AUTS2: variants seen among roughly 807,000 people sequenced by gnomAD.
AUTS2 encodes the protein autism susceptibility gene 2 protein.
Under a neutral mutation model 112.4 loss-of-function variants are expected in AUTS2, and 17 were observed. That is an observed-to-expected ratio of 0.15 (90% CI 0.10 to 0.23). The LOEUF (loss-of-function observed/expected upper bound fraction) is 0.23. Among genes scored for constraint, AUTS2 ranks in the 10% least tolerant of loss-of-function variants. The pLI is 1.00. For synonymous variants in AUTS2, 751 were observed against 702.7 expected (o/e 1.07, Z -1.09); for missense variants, 1,510 against 1,701.6 (o/e 0.89, Z 1.98).
chr7:70,396,704 A>G (rs1206381251), intron 4 of AUTS2, among the ~76,000 whole-genome samples: 1 of 152,196 alleles, frequency 6.6e-6, no homozygotes. Flanking sequence ...ATATGGCTGC[A>G]TGCATTGAGG....
intron 2 of AUTS2, among the ~76,000 whole-genome samples, chr7:70,080,665 T>G (rs1584689406): frequency 1.3e-5 from 2 of 152,218 alleles, no homozygotes; most frequent in Non-Finnish European, 2.9e-5. Flanking sequence ...AACACACTAC[T>G]GTTTACAATC....
chr7:70,108,627 T>G (rs535870516), intron 2 of AUTS2, among the ~76,000 whole-genome samples: 1 of 151,916 alleles, frequency 6.6e-6, no homozygotes, highest in Middle Eastern at 3.4e-3. Flanking sequence ...TGTGTATCTG[T>G]AAAGGACTCT....
rs1000053376 is a variant in AUTS2 at position 69,599,520 on chromosome 7, C to G, written c.-134C>G. 2.5e-6 allele frequency: 2 copies of G among 791,120 alleles called. No homozygotes were observed. The highest frequency in any genetic ancestry group is 3.4e-6 in the Non-Finnish European group (2 of 591,614). 49.0% of individuals were successfully genotyped at this position (791,120 alleles called of 1,614,324 possible). A position where few individuals can be genotyped will look rare whatever the true frequency, so the allele number is the denominator to read the frequency against. The stretch of plus-strand genomic sequence containing the variant: ...CCCCTCTCTCCCTTCTTTCGGCCGC[C>G]GTCTCCCCCGCGCCCTCCTCGGGGC... On this transcript the variant is annotated 5_prime_UTR_variant, in exon 1 of 19. Transcript: ENST00000342771. The surrounding 1 kb of genome is among the most constrained non-coding windows in gnomAD (Gnocchi z 7.0).
intron 1 of AUTS2, among the ~76,000 whole-genome samples, chr7:69,668,322 G>T (rs933054231): frequency 6.6e-6 from 1 of 152,168 alleles, no homozygotes; most frequent in African/African-American, 2.4e-5. Flanking sequence ...TTATAATGTA[G>T]CGTTAGTAAT....
intron 4 of AUTS2, among the ~76,000 whole-genome samples, chr7:70,259,378 C>A (rs1012525606): frequency 6.6e-6 from 1 of 151,058 alleles, no homozygotes; most frequent in East Asian, 1.9e-4. Flanking sequence ...TAAACTTGAT[C>A]ATTGATATGT....
intron 1 of AUTS2, among the ~76,000 whole-genome samples, chr7:69,739,832 G>A (rs967660542): frequency 6.6e-6 from 1 of 152,146 alleles, no homozygotes; most frequent in Non-Finnish European, 1.5e-5. Context: ...GGATGTTGTC[G>A]TCGGTGTATA....
chr7:69,653,404 G>C (rs1328827736), intron 1 of AUTS2, among the ~76,000 whole-genome samples: 2 of 152,164 alleles, frequency 1.3e-5, no homozygotes, highest in Non-Finnish European at 2.9e-5. Context: ...TAGCCCATTG[G>C]ATGAAGATAG....
intron 1 of AUTS2, among the ~76,000 whole-genome samples, chr7:69,778,227 CAT>C (rs1411002679): frequency 1.4e-3 from 190 of 139,028 alleles, no homozygotes; most frequent in African/African-American, 3.5e-3. Flanking sequence ...GCCTTATCCC[CAT>C]ATATATATAT....
rs79045606 is a variant in AUTS2 at position 70,356,107 on chromosome 7, T to G, written c.661-79645T>G. Among the ~76,000 whole-genome samples the G allele has an allele frequency of 6.3e-3, 966 of 152,316 alleles. 17 individuals are homozygous for G. The highest frequency in any genetic ancestry group is 0.022 in the African/African-American group (903 of 41,574). Reference sequence around the variant, plus strand: ...ACCTTTAACAGTTTAATTAATGTGCTCAGAACAAGGAGCAGTTTGAAGAAA... The same window carrying G: ...ACCTTTAACAGTTTAATTAATGTGCGCAGAACAAGGAGCAGTTTGAAGAAA... On this transcript the variant is annotated intron_variant, in intron 4 of 18. Coordinates refer to ENST00000342771, the MANE Select transcript of AUTS2 (RefSeq NM_015570.4).
intron 5 of AUTS2, among the ~76,000 whole-genome samples, chr7:70,466,637 T>C (rs555969575): frequency 9.2e-5 from 14 of 152,302 alleles, no homozygotes; most frequent in Admixed American, 3.9e-4. Flanking sequence ...CATGCACATA[T>C]AAAGAAAAGT....
chr7:70,390,730 A>G (rs930046466), intron 4 of AUTS2, among the ~76,000 whole-genome samples: 1 of 152,122 alleles, frequency 6.6e-6, no homozygotes, highest in African/African-American at 2.4e-5. Flanking sequence ...GGGAAGAGTT[A>G]GGTAGTTCCC....
chr7:69,893,032 T>G (rs533051432), intron 1 of AUTS2, among the ~76,000 whole-genome samples: 2 of 152,330 alleles, frequency 1.3e-5, no homozygotes, highest in Admixed American at 6.5e-5. Flanking sequence ...TCTAACCTAC[T>G]TTACTATAAT....
At chr7:70,016,238 G>T (rs1268129185) in intron 2 of AUTS2, among the ~76,000 whole-genome samples, 1 of 152,130 alleles carries the variant, frequency 6.6e-6, no homozygotes, top group Non-Finnish European at 1.5e-5. Flanking sequence ...GAAAGCAGAA[G>T]GGAGTGTGTC....
intron 5 of AUTS2, among the ~76,000 whole-genome samples, chr7:70,564,787 C>T (rs944373059): frequency 1.3e-5 from 2 of 151,914 alleles, no homozygotes; most frequent in South Asian, 2.1e-4. Context: ...TTTTTTAGTA[C>T]GAGGATAATT....
At chr7:69,735,103 T>C (rs1786969216) in intron 1 of AUTS2, among the ~76,000 whole-genome samples, 1 of 152,218 alleles carries the variant, frequency 6.6e-6, no homozygotes, top group Non-Finnish European at 1.5e-5. Flanking sequence ...GCCTCTTCTA[T>C]GTCAAGTCTC....
intron 5 of AUTS2, among the ~76,000 whole-genome samples, chr7:70,677,498 A>T (rs1442244608): frequency 6.6e-6 from 1 of 151,848 alleles, no homozygotes; most frequent in Non-Finnish European, 1.5e-5. Flanking sequence ...ACTGCCACAC[A>T]CTCGTGCGTT....
At chr7:70,579,331 A>G (rs1468669407) in intron 5 of AUTS2, among the ~76,000 whole-genome samples, 4 of 150,794 alleles carry the variant, frequency 2.7e-5, no homozygotes, top group African/African-American at 9.7e-5. Context: ...CAATGCTGAG[A>G]AGTGTCACTT....
intron 4 of AUTS2, among the ~76,000 whole-genome samples, chr7:70,365,809 C>G (rs536910920): frequency 1.3e-5 from 2 of 152,292 alleles, no homozygotes; most frequent in East Asian, 3.9e-4. Flanking sequence ...TTGATGACAA[C>G]TATCATAGTT....
At chr7:70,053,852 G>A (rs1483045915) in intron 2 of AUTS2, among the ~76,000 whole-genome samples, 1 of 152,002 alleles carries the variant, frequency 6.6e-6, no homozygotes, top group African/African-American at 2.4e-5. Context: ...TCAGTTTTGG[G>A]GTTCTTTTGA....
Sources: allele counts gnomAD v4.1 joint callset (sites outside exome capture counted in the v4.1 genomes callset), GRCh38; gene constraint gnomAD v4.1.1; non-coding constraint Gnocchi (gnomAD v3.1); transcripts MANE v1.5; gene names NCBI Gene and HGNC (gene_info 2026-07-23, HGNC 2026-07-21).